Variants in C1orf105 observed in about 807,000 individuals in gnomAD.
C1orf105 encodes uncharacterized protein C1orf105.
In C1orf105, 17 loss-of-function variants were observed where a neutral mutation model predicts 20.8. That is an observed-to-expected ratio of 0.82 (90% CI 0.56 to 1.23). The LOEUF (loss-of-function observed/expected upper bound fraction) is 1.23. Among genes scored for constraint, C1orf105 ranks in the 50% most tolerant of loss-of-function variants. The pLI is 0.00. For missense variants in C1orf105, 219 were observed against 213.5 expected (o/e 1.03, Z -0.16); for synonymous variants, 72 against 72.1 (o/e 1.00, Z 0.01).
chr1:172,467,514 C>T (rs1177986206), intron 6 of C1orf105, among the ~76,000 whole-genome samples: 3 of 152,186 alleles, frequency 2.0e-5, no homozygotes, highest in Admixed American at 1.3e-4. Context: ...AGATGCTAAC[C>T]ACCTCATAGG....
intron 3 of C1orf105, among the ~76,000 whole-genome samples, chr1:172,450,511 T>G (rs2269613): frequency 0.26 from 39,407 of 152,194 alleles, 5,451 homozygotes; most frequent in East Asian, 0.35. Flanking sequence ...ACTGTTGTGT[T>G]TCAAGGGAGT....
chr1:172,444,646 A>C (rs1647767235), intron 1 of C1orf105, among the ~76,000 whole-genome samples: 3 of 152,224 alleles, frequency 2.0e-5, no homozygotes. Context: ...ATCAATATCC[A>C]GTTGTCTATA....
intron 1 of C1orf105, chr1:172,442,276 C>T (rs774960881): frequency 6.8e-6 from 11 of 1,613,626 alleles, no homozygotes; most frequent in Admixed American, 3.3e-5. Flanking sequence ...GTCAGCCCAC[C>T]GGGTCTGCCC....
chr1:172,425,301 G>A lies in C1orf105; in HGVS notation c.21+4395G>A, dbSNP rs558941968. ...TGCTGAGCACATGCCAGCCAATTGG[G>A]AAATGGCTGCTTCCTGACTACCCCA... On this transcript the variant is annotated intron_variant, in intron 1 of 6. Transcript: ENST00000367727. Among the ~76,000 whole-genome samples, 13 of 152,300 alleles carry A rather than the reference G, an allele frequency of 8.5e-5. No homozygotes were observed. The South Asian group carries it at 1.7e-3, about 19-fold the overall frequency.
intron 1 of C1orf105, among the ~76,000 whole-genome samples, chr1:172,425,566 T>G (rs1165399995): frequency 6.6e-6 from 1 of 152,058 alleles, no homozygotes; most frequent in East Asian, 1.9e-4. Flanking sequence ...CAAAGGAGTA[T>G]GCCTTATCAG....
chr1:172,461,410 C>T (rs1279759638), intron 4 of C1orf105, among the ~76,000 whole-genome samples: 1 of 152,114 alleles, frequency 6.6e-6, no homozygotes, highest in Admixed American at 6.6e-5. Flanking sequence ...ACACCTGCAC[C>T]CACATCTTTG....
At position 172,441,948 on chromosome 1, in the gene C1orf105, G is replaced by C. The variant is rs760006531; in HGVS notation, c.22-3125G>C. Reference sequence around the variant, plus strand: ...GCAGTGTGACCCCCACATAGCTCCGGGGAGTACATGCCTTTAGTTTCTTCT... The same window carrying C: ...GCAGTGTGACCCCCACATAGCTCCGCGGAGTACATGCCTTTAGTTTCTTCT... On this transcript the variant is annotated intron_variant, in intron 1 of 6. Coordinates refer to ENST00000367727, the MANE Select transcript of C1orf105 (RefSeq NM_139240.4). The C allele has an allele frequency of 9.3e-6, 15 of 1,614,176 alleles. No individual in the cohort carries two copies. In the Admixed American group the frequency reaches 1.8e-4, roughly 20 times the overall value.
intron 6 of C1orf105, among the ~76,000 whole-genome samples, chr1:172,468,178 C>A (rs772779122): frequency 2.0e-4 from 31 of 152,186 alleles, no homozygotes; most frequent in Non-Finnish European, 3.5e-4. Context: ...TTTCTGGGTA[C>A]TCCTTTTGGC....
At position 172,468,566 on chromosome 1, in the gene C1orf105, A is replaced by G. The variant is rs1245817057; in HGVS notation, c.524A>G (p.Glu175Gly). ...ERQRSSLPRK[E>G]PIGKTTRQ ...CAACGTTCTTCCTTGCCCAGAAAGG[A>G]ACCAATAGGCAAGACAACGAGGCAG... The change falls in exon 7 of 7, where the codon GAA becomes GGA. Residue 175 changes from glutamate (E) to glycine (G), a missense_variant. Transcript: ENST00000367727. 2 of 1,613,872 alleles carry G rather than the reference A, an allele frequency of 1.2e-6. No individual in the cohort carries two copies. The highest frequency in any genetic ancestry group is 1.7e-6 in the Non-Finnish European group (2 of 1,179,794).
chr1:172,448,325 C>T, intron 2 of C1orf105, 116 bp from the exon 3 acceptor site: 2 of 697,134 alleles, frequency 2.9e-6, no homozygotes, highest in Non-Finnish European at 5.0e-6. Context: ...TGCTCCAGAA[C>T]TGGAGTGGAA....
At chr1:172,453,239 T>G (rs1648863211) in intron 3 of C1orf105, 1 of 1,533,418 alleles carries the variant, frequency 6.5e-7, no homozygotes, top group African/African-American at 1.4e-5. Context: ...AAATGTAAAG[T>G]GTAAAGGGAC....
chr1:172,461,660 T>A lies in C1orf105; in HGVS notation c.274-518T>A, dbSNP rs558973055. ...CAAGGTGGGTTCATTCATTCACTAA[T>A]TTGATCAAAAATATTTCTTAAACAG... On this transcript the variant is annotated intron_variant, in intron 4 of 6. Coordinates refer to ENST00000367727, the MANE Select transcript of C1orf105 (RefSeq NM_139240.4). 4.9e-4 allele frequency among the ~76,000 whole-genome samples: 75 copies of A among 152,312 alleles called. 1 individual carries two copies. The highest frequency in any genetic ancestry group is 1.7e-3 in the African/African-American group (72 of 41,564).
intron 1 of C1orf105, among the ~76,000 whole-genome samples, chr1:172,440,433 C>A (rs2072183823): frequency 6.6e-6 from 1 of 152,208 alleles, no homozygotes; most frequent in South Asian, 2.1e-4. Flanking sequence ...AAGCACTTTG[C>A]ATGTATCCCA....
At chr1:172,437,365 GA>G (rs1190658105) in intron 1 of C1orf105, among the ~76,000 whole-genome samples, 1 of 152,084 alleles carries the variant, frequency 6.6e-6, no homozygotes, top group Non-Finnish European at 1.5e-5. Flanking sequence ...ACTGGATTAT[GA>G]AAATGTGGTA....
chr1:172,432,904 A>T (rs757521242), intron 1 of C1orf105, among the ~76,000 whole-genome samples: 1 of 152,158 alleles, frequency 6.6e-6, no homozygotes, highest in Non-Finnish European at 1.5e-5. Flanking sequence ...TAGAATAAAC[A>T]CCATAGACAA....
At chr1:172,468,300 G>T (rs550157509) in intron 6 of C1orf105, 149 bp from the exon 7 acceptor site, 4 of 577,670 alleles carry the variant, frequency 6.9e-6, no homozygotes, top group African/African-American at 3.8e-5. Context: ...AAAATAAAAG[G>T]TGGATTTGAA....
At chr1:172,420,942 C>T in intron 1 of C1orf105, 36 bp downstream of exon 1, 1 of 1,571,744 alleles carries the variant, frequency 6.4e-7, no homozygotes, top group Admixed American at 1.7e-5. Context: ...CAATTCTTTC[C>T]TTATGGGGTT....
chr1:172,423,075 G>GAC (rs1401168369), intron 1 of C1orf105, among the ~76,000 whole-genome samples: 3 of 152,188 alleles, frequency 2.0e-5, no homozygotes, highest in South Asian at 2.1e-4. Flanking sequence ...TGAAGGAAAG[G>GAC]ACACAGCCTT....
rs187730978 is a variant in C1orf105 at position 172,424,716 on chromosome 1, A to G, written c.21+3810A>G. Among the ~76,000 whole-genome samples the G allele has an allele frequency of 5.3e-5, 8 of 152,322 alleles. No individual in the cohort carries two copies. The East Asian group carries it at 9.7e-4, about 18-fold the overall frequency. On this transcript the variant is annotated intron_variant, in intron 1 of 6. Transcript: ENST00000367727. The stretch of plus-strand genomic sequence containing the variant: ...TCCTTGTTCTTATCTCTGAGGGTAC[A>G]TTCAGAAGGCAATGGAGAGCAAGTT...
Sources: gnomAD v4.1 joint callset for allele counts (sites outside exome capture counted in the v4.1 genomes callset) on GRCh38, gnomAD v4.1.1 for gene constraint, MANE v1.5 for transcripts, NCBI Gene and HGNC (gene_info 2026-07-23, HGNC 2026-07-21) for gene names.